Variants in KDM3B observed in about 807,000 individuals in gnomAD.
KDM3B encodes the protein lysine demethylase 3B.
A neutral mutation model predicts 170.0 loss-of-function variants in KDM3B; 10 were observed. The ratio of observed to expected loss-of-function variants is 0.06; its 90% CI spans 0.04 to 0.10. KDM3B has a LOEUF of 0.10. Ranked by LOEUF, KDM3B falls within the 10% of genes least tolerant of loss-of-function variation. The pLI is 1.00. For synonymous variants in KDM3B, 831 were observed against 834.8 expected, an observed-to-expected ratio of 1.00 and a Z score of 0.08; for missense variants, 1,394 against 2,195.2, an observed-to-expected ratio of 0.64 and a Z score of 7.29.
intron 20 of KDM3B, among the ~76,000 whole-genome samples, chr5:138,428,940 C>CTTTTTTT (rs397884825): frequency 1.4e-4 from 14 of 101,224 alleles, no homozygotes; most frequent in Admixed American, 4.4e-4. Context: ...GGGATAATTT[C>CTTTTTTT]TTTTTTTTTT....
chr5:138,354,341 A>G (rs528774061), intron 1 of KDM3B, among the ~76,000 whole-genome samples: 8 of 152,332 alleles, frequency 5.3e-5, no homozygotes, highest in Middle Eastern at 6.8e-3. Flanking sequence ...TAAGACTGGG[A>G]TTTGGATCTC....
In KDM3B at chr5:138,424,210, G is replaced by T. The variant is rs766058978; in HGVS notation, c.4108G>T (p.Val1370Leu). ...TDTQKEVKEM[V>L]MGLNVLDPHT... is the part of the protein sequence containing the mutation. ...TACCCAGAAGGAAGTGAAGGAGATG[G>T]TGATGGGGTTAAATGTGCTAGATCC... Residue 1370 changes from valine (V) to leucine (L), a missense_variant, in exon 16 of 24, where the codon GTG (valine) becomes TTG (leucine). Physicochemically the swap from Val to Leu is conservative, Grantham distance 32 (BLOSUM62 1). Coordinates refer to ENST00000314358, the MANE Select transcript of KDM3B (RefSeq NM_016604.4). The T allele has an allele frequency of 6.2e-7, 1 of 1,614,172 alleles. No individual in the cohort carries two copies. Among genetic ancestry groups the T allele is most frequent in the Admixed American group, 1.7e-5 (1 of 60,020 alleles).
rs1763182187 is a variant in KDM3B, at chr5:138,419,020, C to T, written c.3503C>T (p.Ala1168Val). 6.2e-7 allele frequency: 1 copy of T among 1,614,068 alleles called. No homozygotes were observed. The highest frequency in any genetic ancestry group is 1.3e-5 in the African/African-American group (1 of 74,922). Residue 1168 changes from alanine to valine, a missense_variant, in exon 14 of 24, where the codon GCA becomes GTA. By Grantham distance (64) the Ala-to-Val change is moderately conservative. This residue lies in a region of KDM3B where 87 missense variants were observed against 83.3 expected (regional missense o/e 1.04). Transcript: ENST00000314358. ...ETTFSGGGGP[A>V]PVTTPEPDHV... The stretch of plus-strand genomic sequence containing the variant: ...ACCTTCTCTGGTGGAGGAGGACCGG[C>T]ACCAGTAACAACTCCAGAGCCGGAC...
intron 23 of KDM3B, 140 bp downstream of exon 23, chr5:138,431,699 G>A: frequency 1.3e-6 from 1 of 746,870 alleles, no homozygotes; most frequent in Non-Finnish European, 2.0e-6. Context: ...AAGAAGTTTG[G>A]GGATATGGAG....
rs886676418 is a variant in KDM3B at position 138,371,989 on chromosome 5, A to G, written c.193-685A>G. On this transcript the variant is annotated intron_variant, in intron 1 of 23. Transcript: ENST00000314358. ...TAAGCCGGGCATGGTGGCACATGCT[A>G]GTAGTTCCAGCTACTTGGGAGACTG... Among the ~76,000 whole-genome samples, 30 of 151,926 alleles carry G rather than the reference A, an allele frequency of 2.0e-4. 1 individual carries two copies. The highest frequency in any genetic ancestry group is 6.8e-4 in the African/African-American group (28 of 41,348).
At chr5:138,364,465 A>T (rs1358686892) in intron 1 of KDM3B, among the ~76,000 whole-genome samples, 2 of 152,116 alleles carry the variant, frequency 1.3e-5, no homozygotes, top group Non-Finnish European at 2.9e-5. Context: ...CTATAATGCC[A>T]TGGTGAGCAT....
chr5:138,363,101 A>G (rs1281404712), intron 1 of KDM3B, among the ~76,000 whole-genome samples: 1 of 152,074 alleles, frequency 6.6e-6, no homozygotes, highest in Non-Finnish European at 1.5e-5. Context: ...CCTAACCCTC[A>G]GAAGGTAGAG....
In KDM3B at chr5:138,375,110, A is replaced by G. The variant is rs1761964364; in HGVS notation, c.378A>G (p.Val126=). 2.5e-6 allele frequency: 4 copies of G among 1,609,260 alleles called. No homozygotes were observed. In the African/African-American group the frequency reaches 4.0e-5, roughly 16 times the overall value. Residue 126 remains valine, a synonymous_variant, in exon 3 of 24, where the codon GTA becomes GTG. Transcript: ENST00000314358. The stretch of plus-strand genomic sequence containing the variant: ...CTTCACAGACTTTTACTCCCCTTGT[A>G]GATAAACTGGGTTTGGGTTCTGTGG... ...QWPALTFTPL[V]DKLGLGSVVP...
At position 138,373,924 on chromosome 5, in the gene KDM3B, A is replaced by G. The variant is rs529571642; in HGVS notation, c.360+1083A>G. On this transcript the variant is annotated intron_variant, in intron 2 of 23. Transcript: ENST00000314358. ...AATTAAATAAATAATATTCAAAACAATTTTTTTAACTGATTGATGGTATAT... is the reference window on the plus strand; with the variant it reads ...AATTAAATAAATAATATTCAAAACAGTTTTTTTAACTGATTGATGGTATAT... Among the ~76,000 whole-genome samples, 13 of 152,278 alleles carry G rather than the reference A, an allele frequency of 8.5e-5. No individual in the cohort carries two copies. In the East Asian group the frequency reaches 2.3e-3, roughly 27 times the overall value.
Position 138,429,840 on chromosome 5 carries a change from A to G in KDM3B, c.4768A>G (p.Ile1590Val), listed in dbSNP as rs1365224329. 1.9e-6 allele frequency: 3 copies of G among 1,614,064 alleles called. No individual in the cohort carries two copies. Among genetic ancestry groups the G allele is most frequent in the African/African-American group, 2.7e-5 (2 of 75,050 alleles). ...GAHDEEVLKT[I>V]DEGDADEVTK... ...GCTCTTTTCAGAGGTACTCAAGACA[A>G]TTGACGAGGGAGATGCCGATGAGGT... Residue 1590 changes from isoleucine to valine, a missense_variant, in exon 21 of 24, where the codon ATT (isoleucine) becomes GTT (valine). By Grantham distance (29) the Ile-to-Val change is conservative. This residue lies in a region of KDM3B where 79 missense variants were observed against 270.5 expected (regional missense o/e 0.29). Coordinates refer to ENST00000314358, the MANE Select transcript of KDM3B (RefSeq NM_016604.4).
In KDM3B at chr5:138,391,042, T is replaced by C; in HGVS notation, c.1410T>C (p.Ser470=). 1 of 1,582,534 alleles carries C rather than the reference T, an allele frequency of 6.3e-7. No homozygotes were observed. Among genetic ancestry groups the C allele is most frequent in the South Asian group, 1.1e-5 (1 of 86,994 alleles). ...CAAGAAATTCTATTCTGGCCTCTTC[T>C]GGATTTGGAGCACCTCTCCCTAGTT... ...ENSRNSILAS[S]GFGAPLPSSS... The change falls in exon 8 of 24, where the codon TCT becomes TCC. Residue 470 remains serine, a synonymous_variant. Transcript: ENST00000314358. This position sits in a 1 kb window ranked among gnomAD's most constrained non-coding sequence, Gnocchi z 5.0.
At chr5:138,382,786 G>T (rs973425743) in intron 6 of KDM3B, among the ~76,000 whole-genome samples, 2 of 152,232 alleles carry the variant, frequency 1.3e-5, no homozygotes, top group Admixed American at 6.5e-5. Flanking sequence ...CCTGGCCAGG[G>T]TTAAATTTAA....
intron 4 of KDM3B, 73 bp from the exon 5 acceptor site, chr5:138,379,511 C>T: frequency 6.9e-7 from 1 of 1,440,732 alleles, no homozygotes. Context: ...TCTAATTTTC[C>T]TTTGGCTTTT....
intron 11 of KDM3B, among the ~76,000 whole-genome samples, chr5:138,404,086 A>G (rs1321046145): frequency 1.3e-5 from 2 of 152,218 alleles, no homozygotes; most frequent in Non-Finnish European, 2.9e-5. Context: ...AAGCAGAGAA[A>G]AATGACCTAC....
intron 1 of KDM3B, among the ~76,000 whole-genome samples, chr5:138,371,933 C>T (rs1007657853): frequency 3.3e-5 from 5 of 152,158 alleles, no homozygotes; most frequent in African/African-American, 1.2e-4. Context: ...CCAGCCTGGG[C>T]AACATGGTGA....
intron 11 of KDM3B, among the ~76,000 whole-genome samples, chr5:138,406,112 C>T (rs532355054): frequency 1.4e-4 from 21 of 152,260 alleles, no homozygotes; most frequent in African/African-American, 3.4e-4. Context: ...TTTGAGAAGT[C>T]AAGATGGGGA....
intron 4 of KDM3B, 48 bp from the exon 5 acceptor site, chr5:138,379,536 A>AAT: frequency 6.4e-7 from 1 of 1,552,570 alleles, no homozygotes; most frequent in Non-Finnish European, 8.7e-7. Flanking sequence ...ACAATTATGA[A>AAT]ATATAGCTTA....
intron 8 of KDM3B, 115 bp downstream of exon 8, chr5:138,392,376 A>T: frequency 8.8e-7 from 1 of 1,131,278 alleles, no homozygotes; most frequent in Non-Finnish European, 1.2e-6. Flanking sequence ...ATCTCATAGA[A>T]TTACAGAGCC....
intron 1 of KDM3B, among the ~76,000 whole-genome samples, chr5:138,368,555 T>A (rs1761801571): frequency 6.6e-6 from 1 of 152,210 alleles, no homozygotes; most frequent in Non-Finnish European, 1.5e-5. Flanking sequence ...GAAATGATTC[T>A]TTACTTTGTA....
Sources: allele counts gnomAD v4.1 joint callset (sites outside exome capture counted in the v4.1 genomes callset), GRCh38; gene constraint gnomAD v4.1.1; regional missense constraint gnomAD v4.1.1; non-coding constraint Gnocchi (gnomAD v3.1); transcripts MANE v1.5; gene names NCBI Gene and HGNC (gene_info 2026-07-23, HGNC 2026-07-21).